Variants in DDX60L observed in about 807,000 individuals in gnomAD.
DDX60L encodes the protein DExD/H-box 60 like, also known as probable ATP-dependent RNA helicase DDX60-like.
Under a neutral mutation model 211.6 loss-of-function variants are expected in DDX60L, and 191 were observed. That is an observed-to-expected ratio of 0.90 (90% CI 0.80 to 1.02). The LOEUF (loss-of-function observed/expected upper bound fraction) is 1.02, where lower values mean the gene tolerates loss of function less well. DDX60L is among the 50% of genes least tolerant of loss of function. The pLI is 0.00. For missense variants in DDX60L, 2,007 were observed against 1,984.1 expected (o/e 1.01, Z -0.22); for synonymous variants, 706 against 694.1 (o/e 1.02, Z -0.27).
At chr4:168,389,962 T>A (rs1180085493) in intron 29 of DDX60L, 2 of 163,428 alleles carry the variant, frequency 1.2e-5, no homozygotes, top group African/African-American at 4.8e-5. Context: ...GGAAATACAA[T>A]TCTGTTTTAA....
At position 168,431,496 on chromosome 4, in the gene DDX60L, C is replaced by T. The variant is rs1579600780; in HGVS notation, c.1517-858G>A. Among the ~76,000 whole-genome samples the T allele has an allele frequency of 2.8e-5, 4 of 142,904 alleles. No homozygotes were observed. In the Admixed American group the frequency reaches 3.1e-4, roughly 11 times the overall value. The allele number at this position is 142,904 out of a possible 152,430, so 93.8% of individuals were successfully genotyped here. On this transcript the variant is annotated intron_variant, in intron 12 of 37. Coordinates refer to ENST00000682922, the MANE Select transcript of DDX60L (RefSeq NM_001012967.3). ...ATCCTTCTGAAAAGTTTTACCAGTT[C>T]TGCAATGAGAACACATGGACACAGG...
intron 25 of DDX60L, among the ~76,000 whole-genome samples, chr4:168,401,642 C>A (rs759320111): frequency 6.6e-6 from 1 of 152,050 alleles, no homozygotes; most frequent in Admixed American, 6.6e-5. Context: ...ATACAGTTTG[C>A]TAGAAAAAAA....
intron 36 of DDX60L, among the ~76,000 whole-genome samples, chr4:168,363,618 G>C (rs1246443265): frequency 6.6e-6 from 1 of 152,166 alleles, no homozygotes; most frequent in African/African-American, 2.4e-5. Context: ...AAGTCAAGTT[G>C]TTATCAGCAT....
intron 17 of DDX60L, among the ~76,000 whole-genome samples, chr4:168,420,613 T>TACAC (rs200084305): frequency 0.029 from 3,231 of 111,196 alleles, 43 homozygotes; most frequent in African/African-American, 0.036. Context: ...CACACACACA[T>TACAC]ACACACACAC....
intron 36 of DDX60L, among the ~76,000 whole-genome samples, chr4:168,365,387 A>G (rs1739796811): frequency 2.6e-5 from 4 of 152,124 alleles, no homozygotes. Context: ...ACTATTATCA[A>G]CAACTATACA....
In DDX60L at chr4:168,472,659, G is replaced by A. The variant is rs775003354; in HGVS notation, c.4+37C>T. 3.4e-5 allele frequency: 55 copies of A among 1,611,586 alleles called. 1 individual carries two copies. In the Admixed American group the frequency reaches 8.9e-4, roughly 26 times the overall value. On this transcript the variant is annotated intron_variant, in intron 2 of 37. Transcript: ENST00000682922. ...AATCTGAATATCTTACAAGATTGTT[G>A]CTTTATAGGCTACAAATATCAAAGA...
At chr4:168,449,815 A>AAAAAT (rs1554017242) in intron 8 of DDX60L, among the ~76,000 whole-genome samples, 55 of 38,842 alleles carry the variant, frequency 1.4e-3, no homozygotes, top group Admixed American at 9.7e-3. Context: ...TAAAAAAAAA[A>AAAAAT]AAAAAAAAGA....
Position 168,396,135 on chromosome 4 carries a change from A to T in DDX60L, c.3492-11T>A, listed in dbSNP as rs1316063102. 1 of 1,302,954 alleles carries T rather than the reference A, an allele frequency of 7.7e-7. No individual in the cohort carries two copies. Among genetic ancestry groups the T allele is most frequent in the Non-Finnish European group, 1.0e-6 (1 of 971,974 alleles). 80.7% of individuals were successfully genotyped at this position (1,302,954 alleles called of 1,614,324 possible). On this transcript the variant is annotated splice_polypyrimidine_tract_variant and intron_variant, in intron 26 of 37. Transcript: ENST00000682922. ...GGGTTTTTTTTAGTGCTACTATTTA[A>T]AAAAAAAAAAAAACTTTTAAGTAAT... is the stretch of plus-strand genomic sequence containing the variant.
intron 37 of DDX60L, among the ~76,000 whole-genome samples, chr4:168,358,602 G>A (rs1011360577): frequency 5.6e-5 from 8 of 141,754 alleles, no homozygotes; most frequent in Admixed American, 7.7e-5. Context: ...ATCTGATCTC[G>A]GCTCACTGCA....
intron 34 of DDX60L, among the ~76,000 whole-genome samples, chr4:168,374,389 T>C (rs1741572370): frequency 1.3e-5 from 2 of 152,212 alleles, no homozygotes; most frequent in Non-Finnish European, 2.9e-5. Context: ...CAGGGGAATA[T>C]GGGAATCATT....
Position 168,378,358 on chromosome 4 carries a change from G to T in DDX60L, c.4481C>A (p.Ser1494Ter). 7.1e-7 allele frequency: 1 copy of T among 1,403,940 alleles called. No homozygotes were observed. The highest frequency in any genetic ancestry group is 1.3e-5 in the South Asian group (1 of 78,610). 87.0% of individuals were successfully genotyped at this position (1,403,940 alleles called of 1,614,324 possible). A position where few individuals can be genotyped will look rare whatever the true frequency, so the allele number is the denominator to read the frequency against. The change falls in exon 33 of 38, where the codon TCA becomes TAA. Residue 1494 changes from serine (S) to a stop codon, truncating the protein, a stop_gained. Coordinates refer to ENST00000682922, the MANE Select transcript of DDX60L (RefSeq NM_001012967.3). LOFTEE classifies it high-confidence loss of function. ...TGTAAGTATAACAAACTTTACCTTT[G>T]ACTGAGAAAAACTTAAATTAGCATT... ...FQNANLSFSQ[S>*]KVILAELPED...
In DDX60L at chr4:168,420,306, G is replaced by T; in HGVS notation, c.2469C>A (p.Cys823Ter). The change falls in exon 18 of 38, where the codon TGC becomes TGA. Residue 823 changes from cysteine to a stop codon, truncating the protein, a stop_gained. Transcript: ENST00000682922. LOFTEE classifies it high-confidence loss of function. ...TKTLPAGRTL[C>*]GAFTRDYCHN... ...GACAATAATCTCTTGTAAAAGCACC[G>T]CATAGAGTTCTGCCGGCAGGCAACG... The T allele has an allele frequency of 1.2e-6, 2 of 1,610,622 alleles. No homozygotes were observed. Among genetic ancestry groups the T allele is most frequent in the Non-Finnish European group, 8.5e-7 (1 of 1,178,494 alleles).
intron 1 of DDX60L, among the ~76,000 whole-genome samples, chr4:168,477,996 T>C (rs1453327098): frequency 6.6e-6 from 1 of 151,684 alleles, no homozygotes; most frequent in Non-Finnish European, 1.5e-5. Flanking sequence ...GGGAAGCTGA[T>C]GTGGGAGGAC....
At chr4:168,426,976 CAA>C in intron 14 of DDX60L, 92 bp downstream of exon 14, 1 of 1,318,074 alleles carries the variant, frequency 7.6e-7, no homozygotes, top group Non-Finnish European at 1.0e-6. Flanking sequence ...ATGGATTATA[CAA>C]AGTTTTAGCA....
intron 25 of DDX60L, among the ~76,000 whole-genome samples, chr4:168,403,188 A>T (rs1277048312): frequency 6.6e-6 from 1 of 152,246 alleles, no homozygotes; most frequent in African/African-American, 2.4e-5. Flanking sequence ...GACTTCAGTC[A>T]TACTACTCTT....
intron 17 of DDX60L, among the ~76,000 whole-genome samples, chr4:168,420,637 C>CG (rs1345577441): frequency 1.1e-4 from 10 of 90,502 alleles, no homozygotes; most frequent in Non-Finnish European, 1.8e-4. Flanking sequence ...CACACACACA[C>CG]ACATGAGATA....
chr4:168,403,822 T>C (rs1420844362), intron 25 of DDX60L, among the ~76,000 whole-genome samples, 160 bp downstream of exon 25: 1 of 152,046 alleles, frequency 6.6e-6, no homozygotes, highest in Non-Finnish European at 1.5e-5. Flanking sequence ...ACTGACCCAT[T>C]TCTTTAAAAA....
At chr4:168,462,090 T>G (rs1195856685) in intron 4 of DDX60L, 50 bp from the exon 5 acceptor site, 1 of 1,351,452 alleles carries the variant, frequency 7.4e-7, no homozygotes, top group African/African-American at 1.5e-5. Flanking sequence ...CTTCCTTTAC[T>G]TATTTGTTAA....
At chr4:168,452,247 T>C (rs1755900862) in intron 8 of DDX60L, among the ~76,000 whole-genome samples, 1 of 152,234 alleles carries the variant, frequency 6.6e-6, no homozygotes, top group Non-Finnish European at 1.5e-5. Flanking sequence ...CCTCAAATTT[T>C]CCATACCTTT....
Sources: allele counts gnomAD v4.1 joint callset (sites outside exome capture counted in the v4.1 genomes callset), GRCh38; gene constraint gnomAD v4.1.1; transcripts MANE v1.5; gene names NCBI Gene and HGNC (gene_info 2026-07-23, HGNC 2026-07-21).